Variants in ARPP21 observed in about 807,000 individuals in gnomAD.
ARPP21 encodes the protein cAMP regulated phosphoprotein 21.
ARPP21 carries 69 observed loss-of-function variants against 113.2 expected under a neutral mutation model. That is an observed-to-expected ratio of 0.61 (90% confidence interval 0.50 to 0.74). The LOEUF (loss-of-function observed/expected upper bound fraction) is 0.74. ARPP21 is among the 30% of genes least tolerant of loss of function. ARPP21 has a pLI of 0.00. For missense variants in ARPP21, 1,070 were observed against 1,037.4 expected, an observed-to-expected ratio of 1.03 and a Z score of -0.43; for synonymous variants, 368 against 375.5, an observed-to-expected ratio of 0.98 and a Z score of 0.23.
chr3:35,674,197 G>A (rs769105035), intron 1 of ARPP21, among the ~76,000 whole-genome samples: 17 of 151,828 alleles, frequency 1.1e-4, no homozygotes, highest in South Asian at 4.2e-4. Context: ...ATCATTTCAC[G>A]TTTTCATCCC....
At chr3:35,763,251 C>A (rs2095845256) in intron 19 of ARPP21, among the ~76,000 whole-genome samples, 1 of 152,104 alleles carries the variant, frequency 6.6e-6, no homozygotes, top group African/African-American at 2.4e-5. Flanking sequence ...AGTTCTCTTA[C>A]CTGCCTCATT....
intron 1 of ARPP21, among the ~76,000 whole-genome samples, chr3:35,645,324 T>C (rs755823624): frequency 6.6e-6 from 1 of 151,848 alleles, no homozygotes; most frequent in Non-Finnish European, 1.5e-5. Flanking sequence ...TCTGTAAACA[T>C]TGGTTTTAAG....
chr3:35,667,033 C>T (rs993561809), intron 1 of ARPP21, among the ~76,000 whole-genome samples: 4 of 152,136 alleles, frequency 2.6e-5, no homozygotes, highest in Non-Finnish European at 5.9e-5. Flanking sequence ...CAGAACCAAT[C>T]TGTCAGAATT....
intron 11 of ARPP21, among the ~76,000 whole-genome samples, chr3:35,712,561 T>A (rs78710829): frequency 0.33 from 46,982 of 143,488 alleles, 8,630 homozygotes; most frequent in East Asian, 0.62. Flanking sequence ...TGTGTGTGTG[T>A]GAAAGAGAGA....
rs1376918696 is a variant in ARPP21 at position 35,639,884 on chromosome 3, T to G, written c.-727T>G. On this transcript the variant is annotated 5_prime_UTR_variant, in exon 1 of 21. Transcript: ENST00000684406. The surrounding 1 kb of genome is among the most constrained non-coding windows in gnomAD (Gnocchi z 5.0). ...CAGACCAGCGCACAGACTGGCAGCCTGCGAGAGTGGCAGCTTTGAGAGCAG... is the reference window on the plus strand; with the variant it reads ...CAGACCAGCGCACAGACTGGCAGCCGGCGAGAGTGGCAGCTTTGAGAGCAG... 6.6e-6 allele frequency: 1 copy of G among 152,308 alleles called. No individual in the cohort carries two copies. Among genetic ancestry groups the G allele is most frequent in the Non-Finnish European group, 1.5e-5 (1 of 68,166 alleles). The allele number at this position is 152,308 out of a possible 1,614,324, so 9.4% of individuals were successfully genotyped here.
At chr3:35,712,561 T>TGTGTGTGA (rs1488053337) in intron 11 of ARPP21, among the ~76,000 whole-genome samples, 79 of 143,648 alleles carry the variant, frequency 5.5e-4, no homozygotes, top group African/African-American at 1.4e-3. Context: ...TGTGTGTGTG[T>TGTGTGTGA]GAAAGAGAGA....
chr3:35,760,091 G>A (rs922801106), intron 19 of ARPP21, among the ~76,000 whole-genome samples: 3 of 152,012 alleles, frequency 2.0e-5, no homozygotes, highest in Admixed American at 1.3e-4. Context: ...ATTTATAAAT[G>A]GATCTTAAAA....
intron 5 of ARPP21, chr3:35,685,914 C>A: frequency 2.1e-6 from 1 of 483,172 alleles, no homozygotes; most frequent in Non-Finnish European, 2.7e-6. Context: ...TGTGTTCTTT[C>A]AACACCGTAA....
At chr3:35,678,035 G>A (rs758011702) in intron 1 of ARPP21, among the ~76,000 whole-genome samples, 27 of 151,916 alleles carry the variant, frequency 1.8e-4, no homozygotes, top group Non-Finnish European at 1.5e-4. Flanking sequence ...TTAGAGCTCG[G>A]TGCTATTTCA....
chr3:35,647,639 A>T (rs1700741083), intron 1 of ARPP21, among the ~76,000 whole-genome samples: 1 of 152,198 alleles, frequency 6.6e-6, no homozygotes, highest in Non-Finnish European at 1.5e-5. Flanking sequence ...TCTGTGACTT[A>T]CCTTCATAAA....
chr3:35,715,352 GA>G, intron 11 of ARPP21, 86 bp from the exon 12 acceptor site: 1 of 1,062,026 alleles, frequency 9.4e-7, no homozygotes, highest in Middle Eastern at 2.0e-4. Context: ...CCTATGAGGG[GA>G]AAGTTAGTTT....
intron 19 of ARPP21, among the ~76,000 whole-genome samples, chr3:35,787,044 G>A (rs1026896673): frequency 1.3e-5 from 2 of 152,144 alleles, no homozygotes; most frequent in Admixed American, 1.3e-4. Context: ...GTAATGAAGT[G>A]AGACAGGAAA....
intron 1 of ARPP21, among the ~76,000 whole-genome samples, chr3:35,647,081 T>C (rs968077028): frequency 3.9e-5 from 6 of 152,318 alleles, no homozygotes; most frequent in South Asian, 4.1e-4. Flanking sequence ...GCTATCTGCT[T>C]ACCCTTAGCA....
chr3:35,741,630 G>T (rs2150813402), intron 18 of ARPP21, among the ~76,000 whole-genome samples: 1 of 152,302 alleles, frequency 6.6e-6, no homozygotes, highest in Admixed American at 6.5e-5. Flanking sequence ...GGAAATGGGA[G>T]AAGTGCATAT....
In ARPP21 at chr3:35,729,345, C is replaced by G; in HGVS notation, c.1268C>G (p.Ser423Cys). The G allele has an allele frequency of 6.2e-7, 1 of 1,614,150 alleles. No individual in the cohort carries two copies. Among genetic ancestry groups the G allele is most frequent in the East Asian group, 2.2e-5 (1 of 44,864 alleles). Residue 423 changes from serine (S) to cysteine (C), a missense_variant, in exon 15 of 21, where the codon TCC (serine) becomes TGC (cysteine). Coordinates refer to ENST00000684406, the MANE Select transcript of ARPP21 (RefSeq NM_001385562.1). ...AGTGCAGGCTCCTCAGGATCGCTGTCCCGCACCCATCCACCTCTCCAGAGC... is the reference window on the plus strand; with the variant it reads ...AGTGCAGGCTCCTCAGGATCGCTGTGCCGCACCCATCCACCTCTCCAGAGC... ...SSSAGSSGSL[S>C]RTHPPLQSTP...
At chr3:35,775,111 C>T (rs1486950481) in intron 19 of ARPP21, 1 of 152,098 alleles carries the variant, frequency 6.6e-6, no homozygotes, top group Non-Finnish European at 1.5e-5. Context: ...TTTGGAAATG[C>T]TCTCTGAGTG....
chr3:35,672,731 A>G (rs1037759141), intron 1 of ARPP21, among the ~76,000 whole-genome samples: 5 of 152,066 alleles, frequency 3.3e-5, no homozygotes, highest in Non-Finnish European at 5.9e-5. Flanking sequence ...GAGCTTTGTT[A>G]AAGAATGATT....
intron 14 of ARPP21, among the ~76,000 whole-genome samples, chr3:35,727,702 G>A (rs1400683314): frequency 2.0e-5 from 3 of 152,158 alleles, no homozygotes; most frequent in Non-Finnish European, 4.4e-5. Flanking sequence ...CTTGCAACCT[G>A]TGATATTACA....
At chr3:35,782,248 A>G (rs977219053) in intron 19 of ARPP21, among the ~76,000 whole-genome samples, 1 of 152,102 alleles carries the variant, frequency 6.6e-6, no homozygotes, top group African/African-American at 2.4e-5. Flanking sequence ...ATTCCTATCA[A>G]CCGATCCTGT....
Sources: gnomAD v4.1 joint callset for allele counts (sites outside exome capture counted in the v4.1 genomes callset) on GRCh38, gnomAD v4.1.1 for gene constraint, Gnocchi (gnomAD v3.1) non-coding constraint, MANE v1.5 for transcripts, NCBI Gene and HGNC (gene_info 2026-07-23, HGNC 2026-07-21) for gene names.